The following SHOC2 variants were observed in gnomAD, a reference collection of about 807,000 sequenced individuals.
SHOC2 encodes the protein leucine-rich repeat protein SHOC-2.
A neutral mutation model predicts 50.2 loss-of-function variants in SHOC2; 4 were observed. That is an observed-to-expected ratio of 0.08 (90% CI 0.04 to 0.18). The LOEUF (loss-of-function observed/expected upper bound fraction) is 0.18, where lower values mean the gene tolerates loss of function less well. Among genes scored for constraint, SHOC2 ranks in the 10% least tolerant of loss-of-function variants. SHOC2 has a pLI of 1.00. For synonymous variants in SHOC2, 218 were observed against 244.5 expected, an observed-to-expected ratio of 0.89 and a Z score of 1.01; for missense variants, 388 against 669.6, an observed-to-expected ratio of 0.58 and a Z score of 4.64.
chr10:110,984,873 T>G (rs1295845479), intron 2 of SHOC2, among the ~76,000 whole-genome samples: 1 of 152,156 alleles, frequency 6.6e-6, no homozygotes, highest in African/African-American at 2.4e-5. Context: ...ATATATGAGA[T>G]TTCATATTTG....
At chr10:111,009,521 T>C in intron 7 of SHOC2, 136 bp downstream of exon 7, 2 of 871,598 alleles carry the variant, frequency 2.3e-6, no homozygotes, top group Non-Finnish European at 3.6e-6. Flanking sequence ...GAGTTTTATG[T>C]TCATATAACC....
intron 1 of SHOC2, among the ~76,000 whole-genome samples, chr10:110,937,590 A>G (rs546819862): frequency 1.3e-5 from 2 of 152,308 alleles, no homozygotes; most frequent in East Asian, 3.9e-4. Flanking sequence ...TTTAAGAGGA[A>G]AAGAGGGGAC....
chr10:110,981,866 A>ATTTT (rs1295478943), intron 2 of SHOC2, among the ~76,000 whole-genome samples: 1 of 2,256 alleles, frequency 4.4e-4, no homozygotes, highest in Non-Finnish European at 3.5e-3. Context: ...TTATTTATTT[A>ATTTT]TTTATTTTTT....
chr10:110,956,758 T>C (rs1847471662), intron 1 of SHOC2, among the ~76,000 whole-genome samples: 1 of 152,170 alleles, frequency 6.6e-6, no homozygotes, highest in Non-Finnish European at 1.5e-5. Flanking sequence ...ATTGTGTTTT[T>C]CATGTTTATG....
chr10:110,962,924 A>G (rs1222668898), intron 1 of SHOC2, among the ~76,000 whole-genome samples: 2 of 152,200 alleles, frequency 1.3e-5, no homozygotes, highest in African/African-American at 4.8e-5. Flanking sequence ...ATTACTTGTT[A>G]TATGTGAGTG....
At chr10:110,993,528 G>GATT (rs1199830754) in intron 3 of SHOC2, among the ~76,000 whole-genome samples, 3 of 152,112 alleles carry the variant, frequency 2.0e-5, no homozygotes, top group Non-Finnish European at 4.4e-5. Flanking sequence ...TATTCTCATA[G>GATT]ATTACATTGT....
intron 6 of SHOC2, among the ~76,000 whole-genome samples, chr10:111,008,821 G>T (rs549043385): frequency 6.6e-6 from 1 of 152,088 alleles, no homozygotes; most frequent in South Asian, 2.1e-4. Flanking sequence ...ACCCCCTTCA[G>T]TATCTTCCAG....
At chr10:110,954,017 T>A (rs1224357523) in intron 1 of SHOC2, among the ~76,000 whole-genome samples, 2 of 151,316 alleles carry the variant, frequency 1.3e-5, no homozygotes, top group African/African-American at 4.8e-5. Flanking sequence ...CAAAAATTTG[T>A]TGAAAAATTA....
chr10:110,985,936 C>A, intron 3 of SHOC2, 171 bp downstream of exon 3: 3 of 604,446 alleles, frequency 5.0e-6, no homozygotes, highest in East Asian at 3.0e-5. Flanking sequence ...CTTTTCTTGG[C>A]AAAGAAAATA....
intron 2 of SHOC2, among the ~76,000 whole-genome samples, chr10:110,969,372 G>A (rs1350829900): frequency 6.6e-6 from 1 of 152,130 alleles, no homozygotes; most frequent in Non-Finnish European, 1.5e-5. Context: ...TTTCCCAACT[G>A]ATTGGTTCCT....
At chr10:110,996,799 G>A (rs938513614) in intron 3 of SHOC2, among the ~76,000 whole-genome samples, 1 of 152,152 alleles carries the variant, frequency 6.6e-6, no homozygotes, top group Non-Finnish European at 1.5e-5. Flanking sequence ...GTCTGGCTCT[G>A]CACTAGAGTT....
At chr10:110,919,726 G>C (rs1846570445) in intron 1 of SHOC2, 69 bp downstream of exon 1, 1 of 397,176 alleles carries the variant, frequency 2.5e-6, no homozygotes, top group Non-Finnish European at 4.4e-6. Flanking sequence ...CCTGTCCGTC[G>C]GGCAGTCGGG....
chr10:111,003,938 C>T (rs1848424557), intron 4 of SHOC2, among the ~76,000 whole-genome samples: 1 of 151,962 alleles, frequency 6.6e-6, no homozygotes. Context: ...TTGGTAATAC[C>T]TGAATATTTT....
chr10:111,009,197 A>T, intron 6 of SHOC2, 51 bp from the exon 7 acceptor site: 1 of 1,265,222 alleles, frequency 7.9e-7, no homozygotes, highest in Non-Finnish European at 1.2e-6. Flanking sequence ...CAATGACAGT[A>T]TATAATTTCA....
Position 111,009,382 on chromosome 10 carries a change from A to G in SHOC2, c.1419A>G (p.Leu473=). 6.2e-7 allele frequency: 1 copy of G among 1,608,256 alleles called. No homozygotes were observed. Among genetic ancestry groups the G allele is most frequent in the Non-Finnish European group, 8.5e-7 (1 of 1,175,066 alleles). Residue 473 remains leucine (L), a synonymous_variant, in exon 7 of 9, where the codon TTA becomes TTG. Transcript: ENST00000369452. The stretch of plus-strand genomic sequence containing the variant: ...ATGAAATTGCATATCTTAAGGATTT[A>G]CAGGTAAACATTATGCTGATTTTGT... ...LPNEIAYLKD[L]QKLVLTNNQL...
intron 1 of SHOC2, chr10:110,937,248 T>C: frequency 2.0e-6 from 2 of 981,600 alleles, no homozygotes; most frequent in Non-Finnish European, 3.2e-6. Flanking sequence ...GGCTGCCCCT[T>C]GGGAAAGCTG....
intron 3 of SHOC2, chr10:110,989,066 C>G (rs367783753): frequency 1.6e-4 from 78 of 492,064 alleles, no homozygotes; most frequent in Non-Finnish European, 3.0e-4. Flanking sequence ...ATATTATTGA[C>G]TTCTAATTTA....
chr10:110,997,539 C>T (rs534661951), intron 3 of SHOC2, among the ~76,000 whole-genome samples: 1 of 152,016 alleles, frequency 6.6e-6, no homozygotes, highest in African/African-American at 2.4e-5. Context: ...TTTTTCCCCC[C>T]CAACTTAACA....
At position 111,004,603 on chromosome 10, in the gene SHOC2, C is replaced by A; in HGVS notation, c.973-3C>A. 2 of 1,600,924 alleles carry A rather than the reference C, an allele frequency of 1.2e-6. No homozygotes were observed. The highest frequency in any genetic ancestry group is 1.7e-6 in the Non-Finnish European group (2 of 1,168,040). Reference sequence around the variant, plus strand: ...TCTTATGTTTATTTCATTTTTTTTACAGAGTCTTTTATCAAGTCTTGTGAA... The same window carrying A: ...TCTTATGTTTATTTCATTTTTTTTAAAGAGTCTTTTATCAAGTCTTGTGAA... On this transcript the variant is annotated splice_region_variant and splice_polypyrimidine_tract_variant and intron_variant, in intron 4 of 8. Transcript: ENST00000369452.
Sources: allele counts gnomAD v4.1 joint callset (sites outside exome capture counted in the v4.1 genomes callset), GRCh38; gene constraint gnomAD v4.1.1; transcripts MANE v1.5; gene names NCBI Gene and HGNC (gene_info 2026-07-23, HGNC 2026-07-21).